ATG10: variants seen among roughly 807,000 people sequenced by gnomAD.
ATG10 encodes the protein autophagy related 10.
In ATG10, 30 loss-of-function variants were observed where a neutral mutation model predicts 32.1. The ratio of observed to expected loss-of-function variants is 0.94; its 90% CI spans 0.70 to 1.27. The LOEUF is 1.27. Ranked by LOEUF, ATG10 falls within the 50% of genes most tolerant of loss-of-function variation. The probability of loss-of-function intolerance (pLI) is 0.00; values close to 1 mark genes in which losing one functional copy is unlikely to be tolerated. For synonymous variants in ATG10, 87 were observed against 91.5 expected, an observed-to-expected ratio of 0.95 and a Z score of 0.28; for missense variants, 233 against 262.3, an observed-to-expected ratio of 0.89 and a Z score of 0.77.
intron 3 of ATG10, among the ~76,000 whole-genome samples, chr5:82,090,644 G>A (rs1764850650): frequency 6.6e-6 from 1 of 152,168 alleles, no homozygotes; most frequent in Non-Finnish European, 1.5e-5. Flanking sequence ...TGGGCAACAA[G>A]TGGGATCCTT....
intron 5 of ATG10, among the ~76,000 whole-genome samples, chr5:82,246,378 C>A (rs984654627): frequency 6.6e-6 from 1 of 151,858 alleles, no homozygotes; most frequent in African/African-American, 2.4e-5. Flanking sequence ...GCCAATCTGA[C>A]TTAATTCTGC....
At chr5:82,196,159 T>C (rs1213995293) in intron 5 of ATG10, among the ~76,000 whole-genome samples, 1 of 152,236 alleles carries the variant, frequency 6.6e-6, no homozygotes, top group African/African-American at 2.4e-5. Flanking sequence ...TATTTTTTCA[T>C]GTGCTTATCA....
intron 2 of ATG10, among the ~76,000 whole-genome samples, chr5:82,022,593 G>T (rs550589380): frequency 2.7e-5 from 4 of 150,366 alleles, no homozygotes; most frequent in Non-Finnish European, 4.4e-5. Context: ...AAAGTGCTGG[G>T]ATTACAGGTG....
chr5:82,240,125 AC>A (rs1712192987), intron 5 of ATG10, among the ~76,000 whole-genome samples: 1 of 152,326 alleles, frequency 6.6e-6, no homozygotes, highest in African/African-American at 2.4e-5. Flanking sequence ...TCCTAAAAAA[AC>A]TAAAAATAGA....
At chr5:82,097,309 G>C (rs1340157890) in intron 3 of ATG10, among the ~76,000 whole-genome samples, 1 of 152,012 alleles carries the variant, frequency 6.6e-6, no homozygotes, top group Non-Finnish European at 1.5e-5. Flanking sequence ...AAGATCAAAG[G>C]TCACAGAATT....
chr5:82,138,956 G>C (rs1171525374), intron 3 of ATG10, among the ~76,000 whole-genome samples: 3 of 145,932 alleles, frequency 2.1e-5, no homozygotes, highest in Non-Finnish European at 3.0e-5. Context: ...CTCCCTGCCT[G>C]ATTCTCCTGC....
intron 3 of ATG10, among the ~76,000 whole-genome samples, chr5:82,102,675 C>G (rs1765320186): frequency 6.6e-6 from 1 of 152,160 alleles, no homozygotes; most frequent in Admixed American, 6.6e-5. Flanking sequence ...CATAAAAAGA[C>G]CAGCCACACA....
At chr5:82,096,407 ACCCT>A (rs1305310080) in intron 3 of ATG10, among the ~76,000 whole-genome samples, 1 of 152,098 alleles carries the variant, frequency 6.6e-6, no homozygotes, top group Non-Finnish European at 1.5e-5. Flanking sequence ...TCAAAATGAA[ACCCT>A]CCCCCTCTGA....
chr5:82,113,776 T>C (rs1350536947), intron 3 of ATG10, among the ~76,000 whole-genome samples: 9 of 152,054 alleles, frequency 5.9e-5, no homozygotes. Context: ...CCTGTCTACT[T>C]AGCTGTGTCC....
intron 4 of ATG10, among the ~76,000 whole-genome samples, chr5:82,171,232 A>G (rs942598783): frequency 6.6e-6 from 1 of 152,228 alleles, no homozygotes; most frequent in Non-Finnish European, 1.5e-5. Flanking sequence ...GTGTGTGGAC[A>G]GTTTAAGATG....
chr5:82,097,720 A>G (rs75600757), intron 3 of ATG10, among the ~76,000 whole-genome samples: 14,838 of 152,240 alleles, frequency 0.097, 965 homozygotes, highest in South Asian at 0.22. Context: ...TTTCTACTCT[A>G]GTAGAATGTT....
At chr5:82,196,817 G>A (rs1305958776) in intron 5 of ATG10, among the ~76,000 whole-genome samples, 1 of 152,062 alleles carries the variant, frequency 6.6e-6, no homozygotes, top group Non-Finnish European at 1.5e-5. Flanking sequence ...TTTTGAAATT[G>A]GGAAACGTAA....
chr5:82,044,413 A>G (rs1485316941), intron 2 of ATG10, among the ~76,000 whole-genome samples: 2 of 152,092 alleles, frequency 1.3e-5, no homozygotes, highest in Non-Finnish European at 2.9e-5. Context: ...ATGGTCTCTA[A>G]TTCTATCACC....
At chr5:82,037,395 C>G (rs1202097557) in intron 2 of ATG10, among the ~76,000 whole-genome samples, 1 of 146,532 alleles carries the variant, frequency 6.8e-6, no homozygotes, top group African/African-American at 2.5e-5. Flanking sequence ...CTACAGGCGC[C>G]CGCCACTACG....
At chr5:82,133,333 T>C (rs1158365458) in intron 3 of ATG10, among the ~76,000 whole-genome samples, 1 of 152,136 alleles carries the variant, frequency 6.6e-6, no homozygotes, top group Non-Finnish European at 1.5e-5. Context: ...CTGAATAGTA[T>C]TGCCTAGGTT....
chr5:82,076,616 ATAT>A (rs1281405902), intron 3 of ATG10, among the ~76,000 whole-genome samples: 1 of 152,202 alleles, frequency 6.6e-6, no homozygotes, highest in East Asian at 1.9e-4. Context: ...GATTATAGTA[ATAT>A]TCTCAGGAAA....
intron 3 of ATG10, among the ~76,000 whole-genome samples, chr5:82,100,772 G>GT (rs61096885): frequency 0.16 from 17,846 of 113,662 alleles, 1,628 homozygotes; most frequent in Middle Eastern, 0.24. Context: ...ACAAGAACTA[G>GT]TTTTTTTTTT....
intron 3 of ATG10, among the ~76,000 whole-genome samples, chr5:82,138,987 C>T (rs1375242417): frequency 2.0e-5 from 3 of 150,794 alleles, no homozygotes; most frequent in East Asian, 2.0e-4. Flanking sequence ...CAAATGCCTG[C>T]GATCGCAGGC....
chr5:82,010,034 G>C (rs1762086245), intron 2 of ATG10: 1 of 1,610,656 alleles, frequency 6.2e-7, no homozygotes, highest in Non-Finnish European at 8.5e-7. Flanking sequence ...GCTCAAAGGA[G>C]ACGCGGCCCA....
Sources: gnomAD v4.1 joint callset for allele counts (sites outside exome capture counted in the v4.1 genomes callset) on GRCh38, gnomAD v4.1.1 for gene constraint, MANE v1.5 for transcripts, NCBI Gene and HGNC (gene_info 2026-07-23, HGNC 2026-07-21) for gene names.